Variants in TAOK2 observed in about 807,000 individuals in gnomAD.
TAOK2 encodes TAO kinase 2.
TAOK2 carries 42 observed loss-of-function variants against 122.5 expected under a neutral mutation model. That is an observed-to-expected ratio of 0.34 (90% CI 0.27 to 0.44). TAOK2 has a LOEUF of 0.44. TAOK2 is among the 20% of genes least tolerant of loss of function. The probability of loss-of-function intolerance (pLI) is 1.00; values close to 1 mark genes in which losing one functional copy is unlikely to be tolerated. For synonymous variants in TAOK2, 704 were observed against 677.6 expected (o/e 1.04, Z -0.61); for missense variants, 1,264 against 1,644.9 (o/e 0.77, Z 4.01).
intron 1 of TAOK2, among the ~76,000 whole-genome samples, 196 bp downstream of exon 1, chr16:29,974,844 G>A (rs1386016637): frequency 6.6e-6 from 1 of 152,122 alleles, no homozygotes; most frequent in African/African-American, 2.4e-5. Context: ...GTGTCTGGTT[G>A]GTGGGGGACC....
At chr16:29,989,974 T>A, downstream of TAOK2, 1 of 652,968 alleles carries the variant, frequency 1.5e-6, no homozygotes, top group Non-Finnish European at 2.6e-6. Context: ...CATATTCTCC[T>A]CAGTGGTTTT....
rs1163091951 is a variant in TAOK2 at position 29,974,353 on chromosome 16, T to A, written c.-331T>A. 3 of 152,552 alleles carry A rather than the reference T, an allele frequency of 2.0e-5. No individual in the cohort carries two copies. The highest frequency in any genetic ancestry group is 2.0e-4 in the Admixed American group (3 of 15,284). 9.4% of individuals were successfully genotyped at this position (152,552 alleles called of 1,614,324 possible). ...GGTTCATTCCCCGGGCGTTCAAATA[T>A]CGGATTCAGTCTCCATCCCGTTCAG... On this transcript the variant is annotated 5_prime_UTR_variant, in exon 1 of 16. Transcript: ENST00000308893.
rs757420504 is a variant in TAOK2, at chr16:29,987,617, C to T, written c.3345C>T (p.Tyr1115=). The T allele has an allele frequency of 2.5e-6, 4 of 1,612,904 alleles. No homozygotes were observed. The highest frequency in any genetic ancestry group is 2.5e-6 in the Non-Finnish European group (3 of 1,179,270). ...GGGACCGGGGTCTGTTTGCACTGTA[C>T]CCCAAAACCAACAAGGATGGCTTCC... ...AVGDRGLFAL[Y]PKTNKDGFRS... is the part of the protein sequence containing the mutation. The change falls in exon 16 of 16, where the codon TAC becomes TAT. Residue 1115 remains tyrosine (Y), a synonymous_variant. Transcript: ENST00000308893.
At chr16:29,977,967 C>G in intron 2 of TAOK2, 63 bp downstream of exon 2, 1 of 1,612,662 alleles carries the variant, frequency 6.2e-7, no homozygotes, top group Non-Finnish European at 8.5e-7. Context: ...GTGGACTTCC[C>G]AACAGCCCTT....
At position 29,988,368 on chromosome 16, in the gene TAOK2, AAC is replaced by A. The variant is rs1682717978; in HGVS notation, c.*392_*393del. Reference sequence around the variant, plus strand: ...CCCCCACCAAAAAAAGAAAAAGACAAACACAAATAAAATATCTGAGCGGAACT... The same window carrying A: ...CCCCCACCAAAAAAAGAAAAAGACAAACAAATAAAATATCTGAGCGGAACT... On this transcript the variant is annotated 3_prime_UTR_variant, in exon 16 of 16. Coordinates refer to ENST00000308893, the MANE Select transcript of TAOK2 (RefSeq NM_016151.4). 1 of 1,337,600 alleles carries A rather than the reference AAC, an allele frequency of 7.5e-7. No homozygotes were observed. Among genetic ancestry groups the A allele is most frequent in the South Asian group, 1.2e-5 (1 of 81,286 alleles). 82.9% of individuals were successfully genotyped at this position (1,337,600 alleles called of 1,614,324 possible).
intron 1 of TAOK2, 130 bp from the exon 2 acceptor site, chr16:29,977,608 C>T: frequency 1.2e-6 from 1 of 866,522 alleles, no homozygotes; most frequent in South Asian, 1.9e-5. Context: ...TAATCTCCCC[C>T]TCCCCTTCCT....
chr16:29,981,304 G>A (rs181453482), intron 8 of TAOK2: 118 of 545,922 alleles, frequency 2.2e-4, no homozygotes, highest in African/African-American at 1.9e-3. Flanking sequence ...TGAGGGTGGG[G>A]CCTAATTCTT....
Position 29,985,595 on chromosome 16 carries a change from TG to T in TAOK2, c.1788+22del, listed in dbSNP as rs2069759950. 1 of 1,602,482 alleles carries T rather than the reference TG, an allele frequency of 6.2e-7. No homozygotes were observed. Among genetic ancestry groups the T allele is most frequent in the Non-Finnish European group, 8.5e-7 (1 of 1,172,112 alleles). ...CTGAAGGAGGTGAGCTAGGGCTGCT[TG>T]GGGGCGGAGCCGATGGCGAGCCAGG... is the stretch of plus-strand genomic sequence containing the variant. On this transcript the variant is annotated intron_variant, in intron 14 of 15. Transcript: ENST00000308893. The surrounding 1 kb of genome is among the most constrained non-coding windows in gnomAD (Gnocchi z 6.9).
At chr16:29,975,515 G>A (rs759676882) in intron 1 of TAOK2, among the ~76,000 whole-genome samples, 16 of 152,186 alleles carry the variant, frequency 1.1e-4, no homozygotes, top group Non-Finnish European at 2.4e-4. Flanking sequence ...TTTAAGAATG[G>A]GGATGAGATG....
chr16:29,987,422 C>T lies in TAOK2; in HGVS notation c.3150C>T (p.Leu1050=), dbSNP rs756153120. ...CCCTGGGCCTTGGAGCTGCCTGGCT[C>T]TTAGCTTGGCCAGGCCTAGCTCTAC... ...GVPLGLGAAW[L]LAWPGLALPL... Residue 1050 remains leucine, a synonymous_variant, in exon 16 of 16, where the codon CTC becomes CTT. Transcript: ENST00000308893. The T allele has an allele frequency of 2.7e-5, 43 of 1,605,476 alleles. No individual in the cohort carries two copies. The South Asian group carries it at 4.0e-4, about 15-fold the overall frequency.
chr16:29,985,212 G>T lies in TAOK2; in HGVS notation c.1423-1G>T. ...AGCTCTCACCCTCTCTCCTTCCCCAGGTCAGCCGTCAGATCCAGGAGCATG... is the reference window on the plus strand; with the variant it reads ...AGCTCTCACCCTCTCTCCTTCCCCATGTCAGCCGTCAGATCCAGGAGCATG... On this transcript the variant is annotated splice_acceptor_variant, in intron 13 of 15. Transcript: ENST00000308893. LOFTEE classifies it high-confidence loss of function. The surrounding 1 kb of genome is among the most constrained non-coding windows in gnomAD (Gnocchi z 6.9). 6.7e-7 allele frequency: 1 copy of T among 1,498,932 alleles called. No individual in the cohort carries two copies. Among genetic ancestry groups the T allele is most frequent in the Non-Finnish European group, 8.9e-7 (1 of 1,122,910 alleles). The allele number at this position is 1,498,932 out of a possible 1,614,324, so 92.9% of individuals were successfully genotyped here. A position where few individuals can be genotyped will look rare whatever the true frequency, so the allele number is the denominator to read the frequency against.
At chr16:29,991,397 C>A, downstream of TAOK2, 1 of 1,560,258 alleles carries the variant, frequency 6.4e-7, no homozygotes, top group South Asian at 1.2e-5. This position sits in a 1 kb window ranked among gnomAD's most constrained non-coding sequence, Gnocchi z 5.6. Flanking sequence ...CACCCCGTGG[C>A]GGAGCCCTGC....
rs772522310 is a variant in TAOK2, at chr16:29,983,325, G to A, written c.1253G>A (p.Arg418Gln). 4.4e-6 allele frequency: 7 copies of A among 1,596,626 alleles called. No homozygotes were observed. The highest frequency in any genetic ancestry group is 1.1e-5 in the South Asian group (1 of 90,102). Reference sequence around the variant, plus strand: ...ACCTCTCACAGCTCCATTATCCACCGGCTGCCGGTACACAGCTCACCCTTG... The same window carrying A: ...ACCTCTCACAGCTCCATTATCCACCAGCTGCCGGTACACAGCTCACCCTTG... ...TVTSHSSIIHRLPGSDNLYDD... is the reference protein window; with the variant it reads ...TVTSHSSIIHQLPGSDNLYDD... Residue 418 changes from arginine (R) to glutamine (Q), a missense_variant, in exon 12 of 16, where the codon CGG becomes CAG. Coordinates refer to ENST00000308893, the MANE Select transcript of TAOK2 (RefSeq NM_016151.4).
At chr16:29,983,458 C>T (rs1361618010) in intron 12 of TAOK2, 45 bp from the exon 13 acceptor site, 3 of 1,579,266 alleles carry the variant, frequency 1.9e-6, no homozygotes, top group Non-Finnish European at 2.6e-6. Context: ...TCTCTTTGGA[C>T]CCAGTGGCCT....
In TAOK2 at chr16:29,987,397, C is replaced by G. The variant is rs1016930399; in HGVS notation, c.3125C>G (p.Pro1042Arg). ...TGGCGCCGAGGCCTCATGGGTGTTCCCCTGGGCCTTGGAGCTGCCTGGCTC... is the reference window on the plus strand; with the variant it reads ...TGGCGCCGAGGCCTCATGGGTGTTCGCCTGGGCCTTGGAGCTGCCTGGCTC... Reference protein sequence around the residue: ...LSWRRGLMGVPLGLGAAWLLA... With the variant: ...LSWRRGLMGVRLGLGAAWLLA... Residue 1042 changes from proline to arginine, a missense_variant, in exon 16 of 16, where the codon CCC becomes CGC. Physicochemically the swap from Pro to Arg is moderately radical, Grantham distance 103. Coordinates refer to ENST00000308893, the MANE Select transcript of TAOK2 (RefSeq NM_016151.4). The G allele has an allele frequency of 1.2e-6, 2 of 1,607,014 alleles. No individual in the cohort carries two copies. Among genetic ancestry groups the G allele is most frequent in the East Asian group, 2.2e-5 (1 of 44,702 alleles).
chr16:29,983,589 C>T lies in TAOK2; in HGVS notation c.1347C>T (p.Ser449=), dbSNP rs755230704. 6.2e-7 allele frequency: 1 copy of T among 1,614,026 alleles called. No homozygotes were observed. Among genetic ancestry groups the T allele is most frequent in the Non-Finnish European group, 8.5e-7 (1 of 1,180,012 alleles). ...LQPPAAPAPT[S]TTSSARRRAY... ...CGCCTGCAGCCCCAGCTCCCACTTC[C>T]ACCACCTCTTCCGCCCGCCGCCGGG... The change falls in exon 13 of 16, where the codon TCC becomes TCT. Residue 449 remains serine (S), a synonymous_variant. Coordinates refer to ENST00000308893, the MANE Select transcript of TAOK2 (RefSeq NM_016151.4).
chr16:29,979,618 C>G lies in TAOK2; in HGVS notation c.655+110C>G, dbSNP rs1399608143. The G allele has an allele frequency of 1.1e-6, 1 of 910,138 alleles. No individual in the cohort carries two copies. The highest frequency in any genetic ancestry group is 1.7e-5 in the African/African-American group (1 of 59,006). The allele number at this position is 910,138 out of a possible 1,614,324, so 56.4% of individuals were successfully genotyped here. On this transcript the variant is annotated intron_variant, in intron 8 of 15. Transcript: ENST00000308893. The surrounding 1 kb of genome is among the most constrained non-coding windows in gnomAD (Gnocchi z 4.1). ...GGATGGGATCCCAGGCCTCCAAGTT[C>G]CTGTCCGTTGTGACTCTACCCTGGA...
chr16:29,991,546 G>C, downstream of TAOK2: 1 of 1,482,924 alleles, frequency 6.7e-7, no homozygotes, highest in South Asian at 1.4e-5. This position sits in a 1 kb window ranked among gnomAD's most constrained non-coding sequence, Gnocchi z 5.6. Flanking sequence ...ATCCTCAATG[G>C]TTCTTCCCAC....
intron 13 of TAOK2, among the ~76,000 whole-genome samples, chr16:29,984,482 A>C (rs4787488): frequency 0.5 from 75,884 of 152,028 alleles, 19,148 homozygotes; most frequent in Middle Eastern, 0.52. Flanking sequence ...GCCACTGATT[A>C]AGTCTAGTAT....
Sources: gnomAD v4.1 joint callset for allele counts (sites outside exome capture counted in the v4.1 genomes callset) on GRCh38, gnomAD v4.1.1 for gene constraint, Gnocchi (gnomAD v3.1) non-coding constraint, MANE v1.5 for transcripts, NCBI Gene and HGNC (gene_info 2026-07-23, HGNC 2026-07-21) for gene names.